Variants in PCDH17 observed in about 807,000 individuals in gnomAD.
PCDH17 encodes protocadherin 17.
Under a neutral mutation model 67.7 loss-of-function variants are expected in PCDH17, and 21 were observed. The ratio of observed to expected loss-of-function variants is 0.31; its 90% CI spans 0.22 to 0.45. The LOEUF (loss-of-function observed/expected upper bound fraction) is 0.45, where lower values mean the gene tolerates loss of function less well. Ranked by LOEUF, PCDH17 falls within the 20% of genes least tolerant of loss-of-function variation. The pLI is 1.00. For synonymous variants in PCDH17, 701 were observed against 656.7 expected, an observed-to-expected ratio of 1.07 and a Z score of -1.03; for missense variants, 1,471 against 1,564.8, an observed-to-expected ratio of 0.94 and a Z score of 1.01.
intron 3 of PCDH17, among the ~76,000 whole-genome samples, chr13:57,708,712 A>C (rs1257038640): frequency 1.3e-5 from 2 of 151,968 alleles, no homozygotes; most frequent in Non-Finnish European, 2.9e-5. Flanking sequence ...TTTACCTTGG[A>C]ATCCTACATA....
chr13:57,647,660 G>A lies in PCDH17; in HGVS notation c.2565+12549G>A, dbSNP rs1037079300. Among the ~76,000 whole-genome samples, 11 of 151,726 alleles carry A rather than the reference G, an allele frequency of 7.2e-5. 1 individual carries two copies. The highest frequency in any genetic ancestry group is 6.6e-4 in the Admixed American group (10 of 15,230). ...ATAGACAAGAAACTTTTGTTTATTA[G>A]CTAAAATAAAAGGCTTCTTCAATTT... On this transcript the variant is annotated intron_variant, in intron 1 of 3. Transcript: ENST00000377918.
At chr13:57,679,812 T>C (rs1243092679) in intron 3 of PCDH17, among the ~76,000 whole-genome samples, 3 of 151,556 alleles carry the variant, frequency 2.0e-5, no homozygotes, top group African/African-American at 7.2e-5. Flanking sequence ...AAAATTTTAA[T>C]GCATACAGAA....
At chr13:57,635,822 A>G (rs987490250) in intron 1 of PCDH17, among the ~76,000 whole-genome samples, 4 of 152,204 alleles carry the variant, frequency 2.6e-5, no homozygotes, top group African/African-American at 9.6e-5. Context: ...GTAACTATCT[A>G]TGAAAAGTTT....
intron 1 of PCDH17, among the ~76,000 whole-genome samples, chr13:57,639,739 T>C (rs1449555943): frequency 6.6e-6 from 1 of 151,968 alleles, no homozygotes; most frequent in Non-Finnish European, 1.5e-5. Flanking sequence ...TATGTAAGTA[T>C]ATGCCAAAAA....
In PCDH17 at chr13:57,655,158, CATTTT is replaced by C. The variant is rs551711010; in HGVS notation, c.2566-11304_2566-11300del. Reference sequence around the variant, plus strand: ...TGTCAGTCCATTTCATCTTGAACTTCATTTTATTTTGTTTTTTCTATTAGGAGTTA... The same window carrying C: ...TGTCAGTCCATTTCATCTTGAACTTCATTTTGTTTTTTCTATTAGGAGTTA... On this transcript the variant is annotated intron_variant, in intron 1 of 3. Transcript: ENST00000377918. Among the ~76,000 whole-genome samples the C allele has an allele frequency of 2.7e-4, 41 of 151,824 alleles. No individual in the cohort carries two copies. In the East Asian group the frequency reaches 7.7e-3, roughly 29 times the overall value.
chr13:57,699,434 A>G (rs193142135), intron 3 of PCDH17, among the ~76,000 whole-genome samples: 2 of 152,108 alleles, frequency 1.3e-5, no homozygotes, highest in Admixed American at 1.3e-4. Context: ...TCTTTCATCA[A>G]ATTTGCACAT....
At position 57,666,829 on chromosome 13, in the gene PCDH17, A is replaced by G. The variant is rs1258167518; in HGVS notation, c.2793A>G (p.Glu931=). ...KTTSTKSQPL[E]QEPEECVNCT... is the part of the protein sequence containing the mutation. ...CTTCAACTAAAAGCCAACCACTTGA[A>G]CAAGGTGAGTGAAGTCTTCCAATGC... The change falls in exon 3 of 4, where the codon GAA becomes GAG. Residue 931 remains glutamate (E), a synonymous_variant. Transcript: ENST00000377918. The G allele has an allele frequency of 1.2e-6, 2 of 1,605,224 alleles. No homozygotes were observed. The highest frequency in any genetic ancestry group is 2.2e-5 in the East Asian group (1 of 44,726).
At chr13:57,667,460 G>A (rs1201048517) in intron 3 of PCDH17, among the ~76,000 whole-genome samples, 3 of 151,714 alleles carry the variant, frequency 2.0e-5, no homozygotes, top group South Asian at 4.2e-4. Context: ...TAATTTTAAT[G>A]TTTTTGTTGT....
intron 3 of PCDH17, among the ~76,000 whole-genome samples, chr13:57,683,261 G>T (rs1488930249): frequency 6.6e-6 from 1 of 151,828 alleles, no homozygotes; most frequent in Admixed American, 6.6e-5. Flanking sequence ...ACCCTTGATA[G>T]AATGATCATG....
intron 1 of PCDH17, among the ~76,000 whole-genome samples, chr13:57,653,524 C>T (rs1955066972): frequency 6.6e-6 from 1 of 152,112 alleles, no homozygotes; most frequent in Non-Finnish European, 1.5e-5. Flanking sequence ...GAAACCTCCA[C>T]TAGCCTTTCA....
intron 3 of PCDH17, among the ~76,000 whole-genome samples, chr13:57,706,328 A>G (rs570205405): frequency 2.2e-4 from 33 of 152,228 alleles, no homozygotes; most frequent in African/African-American, 7.7e-4. Context: ...GGAAGACAAA[A>G]ATTTAATTTT....
rs550689522 is a variant in PCDH17 at position 57,642,381 on chromosome 13, TA to T, written c.2565+7276del. ...ATTGTTTTGTAGATATATACTCTTA[TA>T]AAAAACATTGGTTACATGTTTGTAA... On this transcript the variant is annotated intron_variant, in intron 1 of 3. Transcript: ENST00000377918. 3.4e-4 allele frequency among the ~76,000 whole-genome samples: 51 copies of T among 151,734 alleles called. 1 individual carries two copies. In the East Asian group the frequency reaches 8.9e-3, roughly 27 times the overall value.
chr13:57,662,570 C>T (rs1955196887), intron 1 of PCDH17, among the ~76,000 whole-genome samples: 1 of 150,928 alleles, frequency 6.6e-6, no homozygotes, highest in South Asian at 2.1e-4. Flanking sequence ...AAATAACCTA[C>T]TTCCACAAAC....
At chr13:57,650,240 GT>G (rs1955019117) in intron 1 of PCDH17, among the ~76,000 whole-genome samples, 2 of 151,376 alleles carry the variant, frequency 1.3e-5, no homozygotes, top group Non-Finnish European at 3.0e-5. Context: ...GTGTGTGTGT[GT>G]GTGTGTGTGT....
chr13:57,658,911 C>T (rs574595536), intron 1 of PCDH17, among the ~76,000 whole-genome samples: 1 of 152,214 alleles, frequency 6.6e-6, no homozygotes, highest in Admixed American at 6.5e-5. Context: ...GCCATCTCTA[C>T]TAAAATTACA....
intron 1 of PCDH17, among the ~76,000 whole-genome samples, chr13:57,641,576 AAAAAAAAAAAAATAT>A (rs1200356382): frequency 1.1e-3 from 88 of 81,476 alleles, no homozygotes; most frequent in East Asian, 7.4e-3. Context: ...AAAAAAAAAA[AAAAAAAAAAAAATAT>A]ATATATATAT....
Position 57,633,457 on chromosome 13 carries a change from G to T in PCDH17, c.911G>T (p.Arg304Leu). 1 of 1,613,730 alleles carries T rather than the reference G, an allele frequency of 6.2e-7. No individual in the cohort carries two copies. The highest frequency in any genetic ancestry group is 8.5e-7 in the Non-Finnish European group (1 of 1,180,030). ...FSIDPKTGLI[R>L]VKGNLDYEEN... ...ATCGACCCCAAGACCGGCCTAATCC[G>T]TGTGAAGGGCAATCTGGACTATGAG... is the stretch of plus-strand genomic sequence containing the variant. Residue 304 changes from arginine (R) to leucine (L), a missense_variant, in exon 1 of 4, where the codon CGT (arginine) becomes CTT (leucine). By Grantham distance (102) the Arg-to-Leu change is moderately radical (BLOSUM62 -2). Around this residue, in one of 3 missense-constraint regions of PCDH17, gnomAD observed 1,163 missense variants for 1,230.0 expected, o/e 0.95. Coordinates refer to ENST00000377918, the MANE Select transcript of PCDH17 (RefSeq NM_001040429.3). The surrounding 1 kb of genome is among the most constrained non-coding windows in gnomAD (Gnocchi z 6.2).
intron 1 of PCDH17, among the ~76,000 whole-genome samples, chr13:57,660,060 C>T (rs757270742): frequency 1.3e-5 from 2 of 151,980 alleles, no homozygotes; most frequent in Admixed American, 1.3e-4. Flanking sequence ...CTTGGCAAAA[C>T]CCCGTCTATA....
chr13:57,722,664 G>A (rs1955881152), intron 3 of PCDH17, among the ~76,000 whole-genome samples: 1 of 152,142 alleles, frequency 6.6e-6, no homozygotes, highest in South Asian at 2.1e-4. Context: ...CACTCAGGCT[G>A]CAGTGAAATG....
Sources: gnomAD v4.1 joint callset for allele counts (sites outside exome capture counted in the v4.1 genomes callset) on GRCh38, gnomAD v4.1.1 for gene constraint, gnomAD v4.1.1 regional missense constraint, Gnocchi (gnomAD v3.1) non-coding constraint, MANE v1.5 for transcripts, NCBI Gene and HGNC (gene_info 2026-07-23, HGNC 2026-07-21) for gene names.